The following SYNE2 variants were observed in gnomAD, a reference collection of about 807,000 sequenced individuals.
The protein encoded by SYNE2 is spectrin repeat containing nuclear envelope protein 2, also known as nesprin-2.
A neutral mutation model predicts 856.3 loss-of-function variants in SYNE2; 431 were observed. The ratio of observed to expected loss-of-function variants is 0.50; its 90% confidence interval spans 0.47 to 0.55. SYNE2 has a LOEUF of 0.55. Ranked by LOEUF, SYNE2 falls within the 20% of genes least tolerant of loss-of-function variation. SYNE2 has a pLI of 0.00. For missense variants in SYNE2, 8,129 were observed against 8,023.2 expected, an observed-to-expected ratio of 1.01 and a Z score of -0.50; for synonymous variants, 2,923 against 2,872.3, an observed-to-expected ratio of 1.02 and a Z score of -0.56.
At chr14:64,087,577 A>G in intron 57 of SYNE2, 94 bp from the exon 58 acceptor site, 3 of 1,342,798 alleles carry the variant, frequency 2.2e-6, no homozygotes, top group Non-Finnish European at 2.1e-6. Flanking sequence ...TAAAATGTTG[A>G]GATAACTTTC....
intron 6 of SYNE2, among the ~76,000 whole-genome samples, chr14:63,946,073 T>G (rs1488033725): frequency 6.6e-6 from 1 of 152,186 alleles, no homozygotes; most frequent in Non-Finnish European, 1.5e-5. Flanking sequence ...ATACTTGGCA[T>G]TTAAAATTTA....
At chr14:63,768,359 C>G (rs1886767795) in intron 1 of SYNE2, among the ~76,000 whole-genome samples, 5 of 152,090 alleles carry the variant, frequency 3.3e-5, no homozygotes, top group Admixed American at 3.3e-4. Context: ...TGAGATTAAG[C>G]CTTCATGTTG....
intron 70 of SYNE2, among the ~76,000 whole-genome samples, chr14:64,122,906 C>T (rs1462992053): frequency 6.6e-6 from 1 of 152,026 alleles, no homozygotes; most frequent in Non-Finnish European, 1.5e-5. Context: ...AGTTCAAGAC[C>T]AGCCTCAACA....
chr14:63,885,610 T>A (rs1351101520), intron 1 of SYNE2, among the ~76,000 whole-genome samples: 2 of 152,160 alleles, frequency 1.3e-5, no homozygotes, highest in Non-Finnish European at 2.9e-5. Context: ...AATTTCGATA[T>A]ATTTTTTTTG....
Position 64,076,069 on chromosome 14 carries a change from G to A in SYNE2, c.10991G>A (p.Cys3664Tyr), listed in dbSNP as rs1341222741. The A allele has an allele frequency of 5.6e-6, 9 of 1,613,732 alleles. No homozygotes were observed. The highest frequency in any genetic ancestry group is 7.6e-6 in the Non-Finnish European group (9 of 1,179,832). The change falls in exon 54 of 116, where the codon TGC becomes TAC. Residue 3664 changes from cysteine (C) to tyrosine (Y), a missense_variant. Cys to Tyr is a radical substitution (Grantham distance 194). This residue lies in a region of SYNE2 where 5,410 missense variants were observed against 5,284.8 expected (regional missense o/e 1.02). Transcript: ENST00000555002. The part of the protein sequence containing the change: ...PAEIESQVEE[C>Y]RKALEDIDEK... ...GAGATTGAATCCCAGGTGGAAGAAT[G>A]CAGAAAAGCTTTAGAAGACATAGAT... is the stretch of plus-strand genomic sequence containing the variant.
At chr14:64,046,489 A>G (rs1043962755) in intron 45 of SYNE2, among the ~76,000 whole-genome samples, 1 of 152,172 alleles carries the variant, frequency 6.6e-6, no homozygotes, top group Non-Finnish European at 1.5e-5. Context: ...AGTAGCTGGG[A>G]CTACAGATGC....
intron 45 of SYNE2, among the ~76,000 whole-genome samples, chr14:64,036,726 C>G (rs1393196860): frequency 6.6e-6 from 1 of 151,956 alleles, no homozygotes; most frequent in Non-Finnish European, 1.5e-5. Flanking sequence ...CACTTACAGG[C>G]CAAAGACAAA....
chr14:63,841,896 G>A (rs547385966), intron 1 of SYNE2, among the ~76,000 whole-genome samples: 3 of 139,380 alleles, frequency 2.2e-5, no homozygotes, highest in South Asian at 2.3e-4. Context: ...GCAGTGGTGC[G>A]ATCTCAGCTC....
intron 1 of SYNE2, among the ~76,000 whole-genome samples, chr14:63,897,012 G>A (rs2095263540): frequency 6.6e-6 from 1 of 152,150 alleles, no homozygotes; most frequent in South Asian, 2.1e-4. Flanking sequence ...AGCACTTTGG[G>A]AGGCCAAGGC....
chr14:64,071,013 T>C (rs1338888564), intron 52 of SYNE2, 103 bp downstream of exon 52: 3 of 1,227,010 alleles, frequency 2.4e-6, no homozygotes, highest in Non-Finnish European at 3.5e-6. Context: ...ACAATAGAAT[T>C]GAGGTGAGAC....
chr14:64,186,702 G>GC (rs2098493056), intron 97 of SYNE2, 123 bp downstream of exon 97: 1 of 1,286,478 alleles, frequency 7.8e-7, no homozygotes, highest in Admixed American at 1.8e-5. Context: ...GGGACCCCTG[G>GC]CCCGGCCGCT....
chr14:63,814,633 T>C (rs1468661918), intron 1 of SYNE2, among the ~76,000 whole-genome samples: 1 of 133,600 alleles, frequency 7.5e-6, no homozygotes, highest in African/African-American at 2.7e-5. Flanking sequence ...TATATCCTTA[T>C]ATATCCATAT....
chr14:64,215,939 T>C (rs2098664364), intron 107 of SYNE2: 1 of 1,322,626 alleles, frequency 7.6e-7, no homozygotes, highest in African/African-American at 1.5e-5. Flanking sequence ...CCTTCTGCCA[T>C]CTTGGTCCCC....
At chr14:63,929,152 TGG>T in intron 2 of SYNE2, among the ~76,000 whole-genome samples, 1 of 152,072 alleles carries the variant, frequency 6.6e-6, no homozygotes, top group African/African-American at 2.4e-5. Context: ...AGCTTCAGGA[TGG>T]AGTCTGGTTA....
chr14:63,770,892 G>C (rs989682281), intron 1 of SYNE2, among the ~76,000 whole-genome samples: 2 of 152,060 alleles, frequency 1.3e-5, no homozygotes, highest in Admixed American at 1.3e-4. Context: ...AAAATTGAGA[G>C]ACAGGGTCTC....
intron 49 of SYNE2, among the ~76,000 whole-genome samples, chr14:64,059,252 G>T (rs2097297546): frequency 6.6e-6 from 1 of 152,116 alleles, no homozygotes; most frequent in Non-Finnish European, 1.5e-5. Flanking sequence ...GCATTGAAGT[G>T]TCAGGTATTT....
At chr14:64,056,404 T>C in intron 49 of SYNE2, 138 bp downstream of exon 49, 1 of 710,438 alleles carries the variant, frequency 1.4e-6, no homozygotes, top group East Asian at 3.0e-5. Flanking sequence ...TTAGAGATAA[T>C]TTGGAAAATA....
At chr14:64,094,570 A>ATCG (rs2097660771) in intron 61 of SYNE2, among the ~76,000 whole-genome samples, 2 of 152,192 alleles carry the variant, frequency 1.3e-5, no homozygotes, top group Non-Finnish European at 2.9e-5. Flanking sequence ...GGTACTCAAA[A>ATCG]GAAGATTACA....
intron 1 of SYNE2, among the ~76,000 whole-genome samples, chr14:63,791,303 C>T (rs1194378750): frequency 6.6e-6 from 1 of 152,060 alleles, no homozygotes; most frequent in African/African-American, 2.4e-5. Context: ...TGAAATTGAT[C>T]CTCCTCATTA....
Sources: allele counts gnomAD v4.1 joint callset (sites outside exome capture counted in the v4.1 genomes callset), GRCh38; gene constraint gnomAD v4.1.1; regional missense constraint gnomAD v4.1.1; transcripts MANE v1.5; gene names NCBI Gene and HGNC (gene_info 2026-07-23, HGNC 2026-07-21).